Variants in TTLL8 observed in about 807,000 individuals in gnomAD.
The protein encoded by TTLL8 is protein monoglycylase TTLL8.
A neutral mutation model predicts 77.8 loss-of-function variants in TTLL8; 65 were observed. That is an observed-to-expected ratio of 0.84 (90% confidence interval 0.68 to 1.03). The LOEUF (loss-of-function observed/expected upper bound fraction) is 1.03. Ranked by LOEUF, TTLL8 falls within the 50% of genes least tolerant of loss-of-function variation. The pLI is 0.00. For missense variants in TTLL8, 910 were observed against 1,004.5 expected (o/e 0.91, Z 1.27); for synonymous variants, 402 against 422.8 (o/e 0.95, Z 0.60).
At chr22:50,043,165 AGTG>A in intron 6 of TTLL8, among the ~76,000 whole-genome samples, 1 of 152,060 alleles carries the variant, frequency 6.6e-6, no homozygotes, top group African/African-American at 2.4e-5. Context: ...ATAGATAAAC[AGTG>A]GTGCCGACAT....
chr22:50,023,749 G>A (rs1054065754), intron 12 of TTLL8, among the ~76,000 whole-genome samples: 12 of 151,650 alleles, frequency 7.9e-5, no homozygotes, highest in Admixed American at 6.6e-4. Flanking sequence ...GGCCAGGTGC[G>A]GTGGCTCACG....
At chr22:50,032,587 C>T (rs1487454171) in intron 10 of TTLL8, among the ~76,000 whole-genome samples, 3 of 152,216 alleles carry the variant, frequency 2.0e-5, no homozygotes, top group Non-Finnish European at 4.4e-5. Flanking sequence ...AGGTCTGTGT[C>T]GCGTGACTCT....
chr22:50,027,932 C>A (rs1194558844), intron 12 of TTLL8, among the ~76,000 whole-genome samples: 2 of 152,270 alleles, frequency 1.3e-5, no homozygotes, highest in African/African-American at 2.4e-5. Flanking sequence ...GCAACTGCGG[C>A]AGGAACCTGA....
intron 1 of TTLL8, among the ~76,000 whole-genome samples, chr22:50,052,242 C>T (rs1329750154): frequency 2.6e-5 from 4 of 152,106 alleles, no homozygotes; most frequent in South Asian, 2.1e-4. Context: ...GGACAGTCCG[C>T]AAGAGGGCTG....
At position 50,045,526 on chromosome 22, in the gene TTLL8, A is replaced by G. The variant is rs1297412194; in HGVS notation, c.509-137T>C. 1.2e-5 allele frequency: 9 copies of G among 731,458 alleles called. No individual in the cohort carries two copies. The African/African-American group carries it at 1.6e-4, about 13-fold the overall frequency. 45.3% of individuals were successfully genotyped at this position (731,458 alleles called of 1,614,324 possible). A position where few individuals can be genotyped will look rare whatever the true frequency, so the allele number is the denominator to read the frequency against. On this transcript the variant is annotated intron_variant, in intron 5 of 13. Coordinates refer to ENST00000266182, the Ensembl canonical transcript of TTLL8. ...CGATGGGGCCCAGGCCTGCTCCCACACCCCCAGTCTGCCTGCCCTTCTCCC... is the reference window on the plus strand; with the variant it reads ...CGATGGGGCCCAGGCCTGCTCCCACGCCCCCAGTCTGCCTGCCCTTCTCCC...
At chr22:50,030,455 C>A (rs538596096) in exon 12 of TTLL8, 2 of 1,336,930 alleles carry the variant, frequency 1.5e-6, no homozygotes, top group Non-Finnish European at 2.0e-6. Context: ...GCGGACGCAG[C>A]GCGCCCTCTG....
At chr22:50,028,354 C>T (rs1271080262) in intron 12 of TTLL8, among the ~76,000 whole-genome samples, 1 of 152,234 alleles carries the variant, frequency 6.6e-6, no homozygotes, top group African/African-American at 2.4e-5. Flanking sequence ...GGCAGGCAGA[C>T]CACGTGGGGA....
intron 12 of TTLL8, chr22:50,027,662 C>A: frequency 1.0e-6 from 1 of 985,478 alleles, no homozygotes; most frequent in South Asian, 4.7e-5. Flanking sequence ...CACTTCCTGT[C>A]CTGCTGGCCG....
intron 12 of TTLL8, 40 bp downstream of exon 13, chr22:50,030,390 G>A (rs2294374): frequency 0.075 from 95,045 of 1,267,078 alleles, 3,971 homozygotes; most frequent in Middle Eastern, 0.12. Flanking sequence ...GCAGCAGGCG[G>A]CCCCCAAGCC....
At chr22:50,021,301 AC>A (rs2061197443) in intron 12 of TTLL8, among the ~76,000 whole-genome samples, 1 of 142,554 alleles carries the variant, frequency 7.0e-6, no homozygotes, top group South Asian at 2.3e-4. Flanking sequence ...CCTCCATCTG[AC>A]GATGTGTACT....
intron 3 of TTLL8, among the ~76,000 whole-genome samples, chr22:50,047,904 C>G (rs941414439): frequency 5.9e-5 from 9 of 152,170 alleles, no homozygotes; most frequent in Non-Finnish European, 1.3e-4. Context: ...TCAAGACCAG[C>G]CTGACCAACA....
At chr22:50,024,303 T>G (rs137882) in intron 12 of TTLL8, among the ~76,000 whole-genome samples, 1 of 149,562 alleles carries the variant, frequency 6.7e-6, no homozygotes, top group Non-Finnish European at 1.5e-5. Flanking sequence ...TGCCTGGCTA[T>G]TTTTTTTTTA....
chr22:50,037,001 T>G (rs1036126161), intron 8 of TTLL8, among the ~76,000 whole-genome samples: 1 of 152,220 alleles, frequency 6.6e-6, no homozygotes, highest in Non-Finnish European at 1.5e-5. Context: ...TGGGCCATCA[T>G]GAAGTCTTTC....
chr22:50,033,643 C>A (rs1185937363), intron 9 of TTLL8, among the ~76,000 whole-genome samples, 198 bp from the exon 11 acceptor site: 1 of 152,236 alleles, frequency 6.6e-6, no homozygotes, highest in Non-Finnish European at 1.5e-5. Flanking sequence ...AAAGCCAGTG[C>A]CTGAGTCCCC....
intron 3 of TTLL8, among the ~76,000 whole-genome samples, chr22:50,048,579 G>A (rs1264579249): frequency 1.3e-5 from 2 of 152,144 alleles, no homozygotes; most frequent in Non-Finnish European, 2.9e-5. Flanking sequence ...TGTGGGAGCC[G>A]CTGGAGCACC....
chr22:50,037,357 A>G (rs2061343933), intron 8 of TTLL8, among the ~76,000 whole-genome samples: 1 of 151,638 alleles, frequency 6.6e-6, no homozygotes, highest in Non-Finnish European at 1.5e-5. Flanking sequence ...ACAGGCACGC[A>G]CCACCGCGCC....
In TTLL8 at chr22:50,029,594, G is replaced by C. The variant is rs549699239; in HGVS notation, c.2203+836C>G. ...TCTCTACTAAAAATTAGCCGGGCGC[G>C]GTGGCGGGCGCCTGTGGTCCCAGCT... On this transcript the variant is annotated intron_variant, in intron 12 of 13. Coordinates refer to ENST00000266182, the Ensembl canonical transcript of TTLL8. 2.0e-5 allele frequency among the ~76,000 whole-genome samples: 3 copies of C among 152,264 alleles called. No homozygotes were observed. The South Asian group carries it at 6.2e-4, about 32-fold the overall frequency.
At chr22:50,019,471 T>TA (rs2061182922) in intron 12 of TTLL8, among the ~76,000 whole-genome samples, 1 of 151,768 alleles carries the variant, frequency 6.6e-6, no homozygotes, top group Non-Finnish European at 1.5e-5. Context: ...GCAGCAGGGG[T>TA]ATGTGATGTC....
chr22:50,040,020 G>A (rs144417297), intron 8 of TTLL8, among the ~76,000 whole-genome samples: 106 of 149,854 alleles, frequency 7.1e-4, no homozygotes, highest in Admixed American at 1.5e-3. Context: ...GTGTGCCAGC[G>A]TGGACGGACC....
Sources: gnomAD v4.1 joint callset for allele counts (sites outside exome capture counted in the v4.1 genomes callset) on GRCh38, gnomAD v4.1.1 for gene constraint, MANE v1.5 for transcripts, NCBI Gene and HGNC (gene_info 2026-07-23, HGNC 2026-07-21) for gene names.